KCND2: variants seen among roughly 807,000 people sequenced by gnomAD.
KCND2 encodes the protein A-type voltage-gated potassium channel KCND2.
Under a neutral mutation model 54.4 loss-of-function variants are expected in KCND2, and 16 were observed. The ratio of observed to expected loss-of-function variants is 0.29; its 90% CI spans 0.20 to 0.45. KCND2 has a LOEUF of 0.45. Among genes scored for constraint, KCND2 ranks in the 20% least tolerant of loss-of-function variants. KCND2 has a pLI of 1.00. For synonymous variants in KCND2, 317 were observed against 310.7 expected (o/e 1.02, Z -0.21); for missense variants, 486 against 824.2 (o/e 0.59, Z 5.02).
chr7:120,557,247 G>T (rs182031227), intron 1 of KCND2, among the ~76,000 whole-genome samples: 8 of 152,046 alleles, frequency 5.3e-5, no homozygotes, highest in Non-Finnish European at 1.0e-4. Context: ...TAATTGGGAG[G>T]TCTCTTACCT....
chr7:120,555,381 T>C (rs1302200520), intron 1 of KCND2, among the ~76,000 whole-genome samples: 1 of 152,200 alleles, frequency 6.6e-6, no homozygotes, highest in Non-Finnish European at 1.5e-5. Flanking sequence ...CTTGAACTCC[T>C]GAACTCAAGC....
chr7:120,615,877 T>G (rs1554375810), intron 1 of KCND2, among the ~76,000 whole-genome samples: 4 of 152,180 alleles, frequency 2.6e-5, no homozygotes, highest in Non-Finnish European at 2.9e-5. Context: ...CCACATGAAC[T>G]CTTCTAAAAG....
At chr7:120,726,158 C>T (rs1189318042) in intron 1 of KCND2, among the ~76,000 whole-genome samples, 2 of 152,052 alleles carry the variant, frequency 1.3e-5, no homozygotes, top group African/African-American at 2.4e-5. Flanking sequence ...GGGCTTTGAT[C>T]GTATAGTAAT....
intron 1 of KCND2, among the ~76,000 whole-genome samples, chr7:120,328,041 T>C (rs1800004856): frequency 6.6e-6 from 1 of 152,116 alleles, no homozygotes; most frequent in Non-Finnish European, 1.5e-5. Flanking sequence ...GAGAACTTTA[T>C]CTTAATTTCT....
intron 1 of KCND2, among the ~76,000 whole-genome samples, chr7:120,606,138 C>T (rs765253690): frequency 6.6e-6 from 1 of 152,202 alleles, no homozygotes; most frequent in Non-Finnish European, 1.5e-5. Flanking sequence ...CCATGTGGAA[C>T]TATGAGTCCA....
At chr7:120,403,572 C>T (rs1487321506) in intron 1 of KCND2, among the ~76,000 whole-genome samples, 2 of 151,330 alleles carry the variant, frequency 1.3e-5, no homozygotes, top group East Asian at 3.9e-4. Context: ...TCAAATGATC[C>T]ACCTGCCTAG....
chr7:120,347,998 C>T (rs1031412358), intron 1 of KCND2, among the ~76,000 whole-genome samples: 1 of 152,070 alleles, frequency 6.6e-6, no homozygotes, highest in Non-Finnish European at 1.5e-5. Context: ...GGATCTCTTT[C>T]AGGAAGGCGC....
At chr7:120,478,381 A>G (rs532178551) in intron 1 of KCND2, among the ~76,000 whole-genome samples, 1 of 152,208 alleles carries the variant, frequency 6.6e-6, no homozygotes, top group Admixed American at 6.5e-5. Flanking sequence ...ACTTAGTCAT[A>G]CTACCTATAC....
At chr7:120,454,584 T>A (rs1802166976) in intron 1 of KCND2, among the ~76,000 whole-genome samples, 1 of 151,824 alleles carries the variant, frequency 6.6e-6, no homozygotes, top group South Asian at 2.1e-4. Flanking sequence ...CGGAAAAAAA[T>A]TCGGACCAGA....
chr7:120,635,333 G>T (rs1449991200), intron 1 of KCND2, among the ~76,000 whole-genome samples: 1 of 152,148 alleles, frequency 6.6e-6, no homozygotes, highest in African/African-American at 2.4e-5. Flanking sequence ...TTTCATCTTG[G>T]GAACTATTGA....
At chr7:120,403,199 A>G (rs1455600373) in intron 1 of KCND2, among the ~76,000 whole-genome samples, 1 of 152,176 alleles carries the variant, frequency 6.6e-6, no homozygotes, top group Non-Finnish European at 1.5e-5. Flanking sequence ...TAAAAGAGAG[A>G]ATTTGTGACT....
chr7:120,334,795 TATA>T (rs1475298584), intron 1 of KCND2, among the ~76,000 whole-genome samples: 4 of 152,158 alleles, frequency 2.6e-5, no homozygotes, highest in African/African-American at 7.2e-5. Context: ...TGTGGTAAAA[TATA>T]ATGAGTCTTC....
intron 1 of KCND2, among the ~76,000 whole-genome samples, chr7:120,479,120 T>C (rs1802568061): frequency 6.6e-6 from 1 of 152,158 alleles, no homozygotes; most frequent in African/African-American, 2.4e-5. Flanking sequence ...ATGGTTGTAG[T>C]GTTGCAGATG....
chr7:120,492,799 A>G (rs560386592), intron 1 of KCND2, among the ~76,000 whole-genome samples: 20 of 152,256 alleles, frequency 1.3e-4, no homozygotes, highest in African/African-American at 4.8e-4. Flanking sequence ...GAACACTTCC[A>G]TTAGCCTACA....
At chr7:120,383,455 A>G (rs1800940717) in intron 1 of KCND2, among the ~76,000 whole-genome samples, 3 of 151,068 alleles carry the variant, frequency 2.0e-5, no homozygotes, top group Admixed American at 1.3e-4. Flanking sequence ...TAGAAATTAA[A>G]CTATTGGAGA....
chr7:120,295,360 A>G lies in KCND2; in HGVS notation c.1115+19613A>G, dbSNP rs952336118. ...ATGTCATAGAGTAACACACACACAC[A>G]CACACACACACACACACACACACAC... On this transcript the variant is annotated intron_variant, in intron 1 of 5. Coordinates refer to ENST00000331113, the MANE Select transcript of KCND2 (RefSeq NM_012281.3). 1.3e-4 allele frequency among the ~76,000 whole-genome samples: 14 copies of G among 111,620 alleles called. 1 individual carries two copies. The highest frequency in any genetic ancestry group is 7.2e-4 in the Admixed American group (7 of 9,662). 73.2% of individuals were successfully genotyped at this position (111,620 alleles called of 152,430 possible).
intron 1 of KCND2, among the ~76,000 whole-genome samples, chr7:120,419,153 A>G (rs1801570507): frequency 6.6e-6 from 1 of 152,160 alleles, no homozygotes; most frequent in African/African-American, 2.4e-5. Context: ...AAATTGGAAC[A>G]TATTGTACTT....
At chr7:120,457,776 G>T (rs1802221136) in intron 1 of KCND2, among the ~76,000 whole-genome samples, 1 of 152,080 alleles carries the variant, frequency 6.6e-6, no homozygotes, top group Admixed American at 6.5e-5. Context: ...CAGGTCCAAA[G>T]TTGCTTCCAC....
intron 1 of KCND2, among the ~76,000 whole-genome samples, chr7:120,608,727 A>G (rs891328999): frequency 6.6e-6 from 1 of 152,122 alleles, no homozygotes; most frequent in Non-Finnish European, 1.5e-5. Context: ...ATTGACAGTT[A>G]AATATAGGGT....
Sources: gnomAD v4.1 joint callset for allele counts (sites outside exome capture counted in the v4.1 genomes callset) on GRCh38, gnomAD v4.1.1 for gene constraint, MANE v1.5 for transcripts, NCBI Gene and HGNC (gene_info 2026-07-23, HGNC 2026-07-21) for gene names.